PAX3: variants seen among roughly 807,000 people sequenced by gnomAD.
The protein encoded by PAX3 is paired box 3, also known as paired box protein Pax-3.
In PAX3, 14 loss-of-function variants were observed where a neutral mutation model predicts 51.6. The ratio of observed to expected loss-of-function variants is 0.27; its 90% CI spans 0.18 to 0.42. The LOEUF is 0.42. Among genes scored for constraint, PAX3 ranks in the 10% least tolerant of loss-of-function variants. The probability of loss-of-function intolerance (pLI) is 1.00; values close to 1 mark genes in which losing one functional copy is unlikely to be tolerated. For synonymous variants in PAX3, 280 were observed against 253.4 expected, an observed-to-expected ratio of 1.11 and a Z score of -1.00; for missense variants, 540 against 642.8, an observed-to-expected ratio of 0.84 and a Z score of 1.73.
At chr2:222,227,118 C>T (rs1045342765) in intron 5 of PAX3, among the ~76,000 whole-genome samples, 3 of 152,056 alleles carry the variant, frequency 2.0e-5, no homozygotes, top group South Asian at 2.1e-4. Context: ...GATTAAGTAA[C>T]TTGCTCAACA....
chr2:222,241,726 A>T (rs1693022360), intron 4 of PAX3, among the ~76,000 whole-genome samples: 1 of 152,254 alleles, frequency 6.6e-6, no homozygotes, highest in Non-Finnish European at 1.5e-5. Context: ...TTACTTACTA[A>T]AAATGTGACA....
intron 5 of PAX3, among the ~76,000 whole-genome samples, chr2:222,226,833 G>C (rs551526451): frequency 2.0e-5 from 3 of 151,488 alleles, no homozygotes; most frequent in Non-Finnish European, 4.4e-5. Context: ...GAAATCATGC[G>C]TTCTACTAGT....
intron 5 of PAX3, among the ~76,000 whole-genome samples, chr2:222,228,926 G>A (rs1277796191): frequency 6.6e-6 from 1 of 152,070 alleles, no homozygotes; most frequent in Non-Finnish European, 1.5e-5. Flanking sequence ...GGGCAACAAA[G>A]TGAGACTCTG....
intron 3 of PAX3, among the ~76,000 whole-genome samples, chr2:222,294,966 G>C (rs1193679475): frequency 5.3e-5 from 8 of 151,992 alleles, no homozygotes; most frequent in Admixed American, 3.9e-4. Context: ...TTCTCACAGA[G>C]GGAAAAAGGG....
chr2:222,280,354 AAAG>A, intron 4 of PAX3, among the ~76,000 whole-genome samples: 1 of 147,282 alleles, frequency 6.8e-6, no homozygotes, highest in Non-Finnish European at 1.5e-5. Flanking sequence ...AAAGAAAAAG[AAAG>A]AAAGAGAGAA....
intron 4 of PAX3, chr2:222,264,861 A>G (rs1043772437): frequency 6.6e-6 from 1 of 152,174 alleles, no homozygotes; most frequent in African/African-American, 2.4e-5. Context: ...CCATTCTCAC[A>G]TGCACCATGT....
intron 4 of PAX3, among the ~76,000 whole-genome samples, chr2:222,287,937 A>C (rs1559311265): frequency 6.6e-6 from 1 of 152,216 alleles, no homozygotes; most frequent in African/African-American, 2.4e-5. Context: ...CGAAAACCCC[A>C]CACACAGGCA....
intron 4 of PAX3, among the ~76,000 whole-genome samples, chr2:222,237,375 G>A (rs1302611554): frequency 7.3e-6 from 1 of 136,644 alleles, no homozygotes; most frequent in African/African-American, 2.6e-5. Context: ...TTTTGAAGAG[G>A]AATAACAGAA....
rs1395471577 is a variant in PAX3 at position 222,201,779 on chromosome 2, C to A, written c.1420+165G>T. 6.7e-7 allele frequency: 1 copy of A among 1,502,132 alleles called. No individual in the cohort carries two copies. The highest frequency in any genetic ancestry group is 8.8e-7 in the Non-Finnish European group (1 of 1,133,680). 93.1% of individuals were successfully genotyped at this position (1,502,132 alleles called of 1,614,324 possible). A position where few individuals can be genotyped will look rare whatever the true frequency, so the allele number is the denominator to read the frequency against. On this transcript the variant is annotated intron_variant, in intron 8 of 8. Coordinates refer to ENST00000392070, the MANE Select transcript of PAX3 (RefSeq NM_181458.4). ...TTGACATCAGTTAAGAAAATAATTA[C>A]ACAAGGAAGCCCCTGCTGGAACAGT...
chr2:222,278,731 C>G (rs1271221362), intron 4 of PAX3, among the ~76,000 whole-genome samples: 1 of 152,200 alleles, frequency 6.6e-6, no homozygotes, highest in African/African-American at 2.4e-5. Flanking sequence ...CCTGTCCTTT[C>G]ACAGTGAAGA....
chr2:222,281,011 A>G (rs1049264288), intron 4 of PAX3, among the ~76,000 whole-genome samples: 3 of 152,202 alleles, frequency 2.0e-5, no homozygotes, highest in Admixed American at 1.3e-4. Context: ...AGAAACTGTA[A>G]AAGTTGCCTT....
chr2:222,283,144 A>C (rs1197704025), intron 4 of PAX3, among the ~76,000 whole-genome samples: 4 of 152,256 alleles, frequency 2.6e-5, no homozygotes, highest in Non-Finnish European at 1.5e-5. Flanking sequence ...TGTCAGATTG[A>C]AAACAATCTA....
At chr2:222,207,826 T>G (rs1691570106) in intron 7 of PAX3, among the ~76,000 whole-genome samples, 1 of 152,144 alleles carries the variant, frequency 6.6e-6, no homozygotes. Flanking sequence ...CCATAGATAC[T>G]TGTTCTTAAC....
chr2:222,244,264 G>T (rs767430651), intron 4 of PAX3, among the ~76,000 whole-genome samples: 12 of 152,140 alleles, frequency 7.9e-5, no homozygotes, highest in Admixed American at 3.9e-4. Context: ...AAAGGTTTGG[G>T]CAAAGGAAGT....
chr2:222,230,277 C>T (rs1692538416), intron 5 of PAX3, among the ~76,000 whole-genome samples: 2 of 151,984 alleles, frequency 1.3e-5, no homozygotes, highest in Admixed American at 6.6e-5. Context: ...ATGGATGAAC[C>T]TGGAAACCAT....
At chr2:222,221,607 GCAA>G (rs1692195366) in intron 5 of PAX3, 2 of 515,228 alleles carry the variant, frequency 3.9e-6, no homozygotes, top group Non-Finnish European at 3.5e-6. Flanking sequence ...CCATGATCTT[GCAA>G]CAACAGCCCC....
rs755362476 is a variant in PAX3, at chr2:222,294,162, C to A, written c.586+5G>T. 25 of 1,614,142 alleles carry A rather than the reference C, an allele frequency of 1.5e-5. No homozygotes were observed. Among genetic ancestry groups the A allele is most frequent in the Non-Finnish European group, 1.7e-5 (20 of 1,180,050 alleles). ...AAGTGCGCCGCCCAAGGCGCCACCG[C>A]TTACCTCGCTCGCTCAGGATGCCGT... is the stretch of plus-strand genomic sequence containing the variant. On this transcript the variant is annotated splice_donor_5th_base_variant and intron_variant, in intron 4 of 8. Transcript: ENST00000392070.
chr2:222,213,022 A>G (rs1340202073), intron 7 of PAX3, among the ~76,000 whole-genome samples: 1 of 152,228 alleles, frequency 6.6e-6, no homozygotes, highest in Non-Finnish European at 1.5e-5. Flanking sequence ...GATTTGTCCA[A>G]TGTACAGGAG....
chr2:222,275,966 G>A lies in PAX3; in HGVS notation c.586+18201C>T, dbSNP rs1467686837. On this transcript the variant is annotated intron_variant, in intron 4 of 8. Coordinates refer to ENST00000392070, the MANE Select transcript of PAX3 (RefSeq NM_181458.4). ...ACCGCTAAGTGTGAGCCATTAGGGC[G>A]TTAATTTAAGATATGACTTAGAATC... Among the ~76,000 whole-genome samples the A allele has an allele frequency of 4.6e-5, 7 of 152,326 alleles. No individual in the cohort carries two copies. The East Asian group carries it at 5.8e-4, about 13-fold the overall frequency.
Sources: gnomAD v4.1 joint callset for allele counts (sites outside exome capture counted in the v4.1 genomes callset) on GRCh38, gnomAD v4.1.1 for gene constraint, MANE v1.5 for transcripts, NCBI Gene and HGNC (gene_info 2026-07-23, HGNC 2026-07-21) for gene names.